The following PCDH9 variants were observed in gnomAD, a reference collection of about 807,000 sequenced individuals.
The protein encoded by PCDH9 is protocadherin-9.
PCDH9 carries 24 observed loss-of-function variants against 70.6 expected under a neutral mutation model. The observed-to-expected ratio is 0.34, with a 90% CI of 0.25 to 0.48. The LOEUF (loss-of-function observed/expected upper bound fraction) is 0.48. PCDH9 is among the 20% of genes least tolerant of loss of function. The probability of loss-of-function intolerance (pLI) is 0.99; values close to 1 mark genes in which losing one functional copy is unlikely to be tolerated. For synonymous variants in PCDH9, 562 were observed against 558.5 expected, an observed-to-expected ratio of 1.01 and a Z score of -0.09; for missense variants, 1,281 against 1,503.6, an observed-to-expected ratio of 0.85 and a Z score of 2.45.
intron 2 of PCDH9, among the ~76,000 whole-genome samples, chr13:66,950,057 A>G (rs1456388717): frequency 6.6e-6 from 1 of 152,116 alleles, no homozygotes; most frequent in Non-Finnish European, 1.5e-5. Context: ...CAAGATTATC[A>G]CATTAAATGA....
At chr13:67,016,696 A>G (rs917001206) in intron 2 of PCDH9, among the ~76,000 whole-genome samples, 2 of 152,130 alleles carry the variant, frequency 1.3e-5, no homozygotes, top group African/African-American at 2.4e-5. Flanking sequence ...ACATCACCAA[A>G]GCTACTACTT....
chr13:66,561,372 C>T (rs1360271676), intron 4 of PCDH9, among the ~76,000 whole-genome samples: 2 of 152,318 alleles, frequency 1.3e-5, no homozygotes, highest in Non-Finnish European at 1.5e-5. Context: ...TCCACTGCAC[C>T]CAGTCCCATC....
At chr13:66,752,469 G>C (rs1351459953) in intron 3 of PCDH9, among the ~76,000 whole-genome samples, 1 of 152,018 alleles carries the variant, frequency 6.6e-6, no homozygotes. Flanking sequence ...GCTGTTTTTT[G>C]TATTTTTTGT....
chr13:66,578,284 C>G (rs1396794012), intron 4 of PCDH9, among the ~76,000 whole-genome samples: 1 of 152,072 alleles, frequency 6.6e-6, no homozygotes, highest in African/African-American at 2.4e-5. Flanking sequence ...TCAGGGGAGG[C>G]TGAAGCTGTA....
intron 4 of PCDH9, among the ~76,000 whole-genome samples, chr13:66,364,829 G>T (rs1306585521): frequency 1.3e-5 from 2 of 152,172 alleles, no homozygotes; most frequent in Non-Finnish European, 2.9e-5. Context: ...TAGATGCACA[G>T]ATTATGCTGA....
intron 4 of PCDH9, among the ~76,000 whole-genome samples, chr13:66,341,226 G>A (rs1956118596): frequency 6.6e-6 from 1 of 151,860 alleles, no homozygotes; most frequent in Non-Finnish European, 1.5e-5. Flanking sequence ...CCCCGTAGCT[G>A]GGACTACAAT....
intron 4 of PCDH9, among the ~76,000 whole-genome samples, chr13:66,564,110 C>T (rs569979181): frequency 7.9e-5 from 12 of 152,156 alleles, no homozygotes; most frequent in African/African-American, 2.9e-4. Context: ...GTAATAAAAG[C>T]TGGCAGTCTA....
rs2089853571 is a variant in PCDH9, at chr13:67,225,923, G to A, written c.2518C>T (p.His840Tyr). The A allele has an allele frequency of 6.2e-7, 1 of 1,614,072 alleles. No homozygotes were observed. Among genetic ancestry groups the A allele is most frequent in the Non-Finnish European group, 8.5e-7 (1 of 1,180,022 alleles). The change falls in exon 2 of 5, where the codon CAT (histidine) becomes TAT (tyrosine). Residue 840 changes from histidine to tyrosine, a missense_variant. Coordinates refer to ENST00000377865, the MANE Select transcript of PCDH9 (RefSeq NM_203487.3). ...TGAGCTGCTTTGAACCTTGATGCATGGCGACAGCGCACCAGAACGGTGACG... is the reference window on the plus strand; with the variant it reads ...TGAGCTGCTTTGAACCTTGATGCATAGCGACAGCGCACCAGAACGGTGACG... ...IFVTVLVRCR[H>Y]ASRFKAAQRS... is the part of the protein sequence containing the mutation.
chr13:66,758,681 G>A (rs868836477), intron 3 of PCDH9, among the ~76,000 whole-genome samples: 11 of 151,856 alleles, frequency 7.2e-5, no homozygotes, highest in South Asian at 6.2e-4. Flanking sequence ...ATATGAAAGC[G>A]TTTGAGAATA....
At chr13:66,867,833 T>C in intron 3 of PCDH9, among the ~76,000 whole-genome samples, 1 of 152,138 alleles carries the variant, frequency 6.6e-6, no homozygotes, top group East Asian at 1.9e-4. Flanking sequence ...TCCTTTTTTT[T>C]ATCCTTCTGT....
intron 4 of PCDH9, among the ~76,000 whole-genome samples, chr13:66,538,737 G>T (rs1415542377): frequency 7.3e-6 from 1 of 137,254 alleles, no homozygotes; most frequent in Non-Finnish European, 1.6e-5. Context: ...TCTCATCTAA[G>T]TAAAGTTTAA....
chr13:66,347,334 T>G (rs1470033806), intron 4 of PCDH9, among the ~76,000 whole-genome samples: 1 of 152,198 alleles, frequency 6.6e-6, no homozygotes, highest in East Asian at 1.9e-4. Flanking sequence ...AAAAATGTCT[T>G]TAACAGTTAT....
intron 4 of PCDH9, among the ~76,000 whole-genome samples, chr13:66,408,273 T>A (rs1356194362): frequency 1.3e-5 from 2 of 151,936 alleles, no homozygotes; most frequent in Admixed American, 6.6e-5. Flanking sequence ...TTAGCCAGGA[T>A]GGTCTCGATC....
chr13:66,966,227 G>A (rs1021969434), intron 2 of PCDH9, among the ~76,000 whole-genome samples: 2 of 152,008 alleles, frequency 1.3e-5, no homozygotes, highest in South Asian at 2.1e-4. Context: ...CTGTTTCCTC[G>A]TTTCCAAATA....
chr13:66,782,027 T>C (rs1242002847), intron 3 of PCDH9, among the ~76,000 whole-genome samples: 1 of 152,128 alleles, frequency 6.6e-6, no homozygotes, highest in Non-Finnish European at 1.5e-5. Context: ...AATCTCAATA[T>C]ATCAAACTTC....
chr13:67,113,864 C>T (rs561450097), intron 2 of PCDH9, among the ~76,000 whole-genome samples: 9 of 152,264 alleles, frequency 5.9e-5, no homozygotes, highest in African/African-American at 1.7e-4. Context: ...TTGGATCACA[C>T]TGAGAAATGC....
At chr13:66,922,566 G>A (rs1485513837) in intron 2 of PCDH9, among the ~76,000 whole-genome samples, 1 of 151,392 alleles carries the variant, frequency 6.6e-6, no homozygotes, top group Non-Finnish European at 1.5e-5. Context: ...ACTTCCTTAT[G>A]TTCATAGCCT....
chr13:66,781,624 T>C (rs986147033), intron 3 of PCDH9, among the ~76,000 whole-genome samples: 3 of 152,218 alleles, frequency 2.0e-5, no homozygotes, highest in Non-Finnish European at 4.4e-5. Flanking sequence ...TGATCTTGCA[T>C]TCTTACATGA....
chr13:66,414,024 T>C (rs952312173), intron 4 of PCDH9, among the ~76,000 whole-genome samples: 1 of 152,064 alleles, frequency 6.6e-6, no homozygotes, highest in African/African-American at 2.4e-5. Flanking sequence ...AAGGGGCTTT[T>C]TTTTCATTGA....
Sources: gnomAD v4.1 joint callset for allele counts (sites outside exome capture counted in the v4.1 genomes callset) on GRCh38, gnomAD v4.1.1 for gene constraint, MANE v1.5 for transcripts, NCBI Gene and HGNC (gene_info 2026-07-23, HGNC 2026-07-21) for gene names.